The following STAU1 variants were observed in gnomAD, a reference collection of about 807,000 sequenced individuals.
STAU1 encodes the protein staufen double-stranded RNA binding protein 1.
In STAU1, 13 loss-of-function variants were observed where a neutral mutation model predicts 62.9. The ratio of observed to expected loss-of-function variants is 0.21; its 90% CI spans 0.13 to 0.33. The LOEUF (loss-of-function observed/expected upper bound fraction) is 0.33, where lower values mean the gene tolerates loss of function less well. STAU1 is among the 10% of genes least tolerant of loss of function. The pLI is 1.00. For synonymous variants in STAU1, 269 were observed against 265.1 expected, an observed-to-expected ratio of 1.01 and a Z score of -0.14; for missense variants, 571 against 712.1, an observed-to-expected ratio of 0.80 and a Z score of 2.25.
intron 3 of STAU1, among the ~76,000 whole-genome samples, chr20:49,157,235 C>T (rs1447654502): frequency 6.6e-6 from 1 of 152,178 alleles, no homozygotes; most frequent in Non-Finnish European, 1.5e-5. Flanking sequence ...GATTTAAACA[C>T]ACAGCAGTAC....
intron 5 of STAU1, among the ~76,000 whole-genome samples, chr20:49,142,944 A>G (rs1236033746): frequency 6.6e-6 from 1 of 152,058 alleles, no homozygotes; most frequent in South Asian, 2.1e-4. Flanking sequence ...CTGAGACTAC[A>G]GGTACATGCC....
chr20:49,170,359 AT>A (rs35442380), intron 2 of STAU1, among the ~76,000 whole-genome samples: 1 of 152,052 alleles, frequency 6.6e-6, no homozygotes, highest in Non-Finnish European at 1.5e-5. Flanking sequence ...ATGGAAAAAC[AT>A]TTTTTTTCTG....
intron 6 of STAU1, among the ~76,000 whole-genome samples, chr20:49,131,126 G>C (rs555951702): frequency 1.3e-5 from 2 of 152,084 alleles, no homozygotes; most frequent in African/African-American, 4.8e-5. Context: ...TAATCCATCA[G>C]AAATACCCAA....
chr20:49,178,909 T>TAA (rs11324304), intron 1 of STAU1, among the ~76,000 whole-genome samples: 38,046 of 116,066 alleles, frequency 0.33, 6,797 homozygotes, highest in Middle Eastern at 0.43. Flanking sequence ...CCGTCTCCAC[T>TAA]AAAAAAAAAA....
At position 49,175,266 on chromosome 20, in the gene STAU1, G is replaced by C. The variant is rs560910338; in HGVS notation, c.-159-997C>G. Among the ~76,000 whole-genome samples the C allele has an allele frequency of 2.5e-4, 38 of 152,128 alleles. No individual in the cohort carries two copies. The East Asian group carries it at 7.4e-3, about 30-fold the overall frequency. On this transcript the variant is annotated intron_variant, in intron 1 of 13. Coordinates refer to ENST00000371856, the MANE Select transcript of STAU1 (RefSeq NM_017453.4). ...AAATGGCTTGAATGCAGGAGGCAGAGGTTGCAGTGAGCCAAGATCGCACCA... is the reference window on the plus strand; with the variant it reads ...AAATGGCTTGAATGCAGGAGGCAGACGTTGCAGTGAGCCAAGATCGCACCA...
chr20:49,120,352 G>A (rs954348601), intron 8 of STAU1, among the ~76,000 whole-genome samples: 3 of 152,198 alleles, frequency 2.0e-5, no homozygotes, highest in Non-Finnish European at 2.9e-5. Flanking sequence ...TATATAAGCT[G>A]ATAATTATTT....
intron 5 of STAU1, among the ~76,000 whole-genome samples, chr20:49,138,760 A>G (rs1174808788): frequency 1.3e-5 from 2 of 151,946 alleles, no homozygotes; most frequent in Non-Finnish European, 2.9e-5. Context: ...CAACCTCCCA[A>G]AGTGTTGGGA....
At position 49,157,035 on chromosome 20, in the gene STAU1, C is replaced by G. The variant is rs566214362; in HGVS notation, c.206-2964G>C. On this transcript the variant is annotated intron_variant, in intron 3 of 13. Transcript: ENST00000371856. ...GGGATTACAGGCACCTGCCACCATGCCCGGCTAATTTCTGTACTTTTAGTA... is the reference window on the plus strand; with the variant it reads ...GGGATTACAGGCACCTGCCACCATGGCCGGCTAATTTCTGTACTTTTAGTA... Among the ~76,000 whole-genome samples the G allele has an allele frequency of 2.0e-4, 30 of 151,878 alleles. No homozygotes were observed. The East Asian group carries it at 5.6e-3, about 28-fold the overall frequency.
At chr20:49,132,131 T>A (rs778527197) in intron 6 of STAU1, among the ~76,000 whole-genome samples, 2 of 151,968 alleles carry the variant, frequency 1.3e-5, no homozygotes, top group Non-Finnish European at 2.9e-5. Context: ...CTGGCCTGCT[T>A]AGGCACCCGT....
chr20:49,214,639 G>A, the STAU1 span, among the ~76,000 whole-genome samples: 1 of 152,106 alleles, frequency 6.6e-6, no homozygotes, highest in African/African-American at 2.4e-5. Flanking sequence ...TAGAAGGTAA[G>A]CTACTCACTT....
chr20:49,203,046 A>G, the STAU1 span, among the ~76,000 whole-genome samples: 1 of 152,208 alleles, frequency 6.6e-6, no homozygotes, highest in Non-Finnish European at 1.5e-5. Flanking sequence ...TGTCTCAAAA[A>G]AAGAAAAAAG....
intron 5 of STAU1, among the ~76,000 whole-genome samples, chr20:49,143,673 T>C (rs1209014355): frequency 1.3e-5 from 2 of 152,220 alleles, no homozygotes; most frequent in East Asian, 1.9e-4. Context: ...AAATTAGCCA[T>C]CACCATTTAT....
At position 49,118,415 on chromosome 20, in the gene STAU1, A is replaced by AAAG. The variant is rs754447676; in HGVS notation, c.1114-10_1114-8dup. Reference sequence around the variant, plus strand: ...CTGGTTTCTTTATGGGTGTCTTAAAAAAGAAGAAGAAAAAAAAAAGGCCAT... The same window carrying AAAG: ...CTGGTTTCTTTATGGGTGTCTTAAAAAAGAAGAAGAAGAAAAAAAAAAGGCCAT... On this transcript the variant is annotated splice_region_variant and splice_polypyrimidine_tract_variant and intron_variant, in intron 9 of 13. Coordinates refer to ENST00000371856, the MANE Select transcript of STAU1 (RefSeq NM_017453.4). The AAAG allele has an allele frequency of 3.8e-6, 6 of 1,598,820 alleles. No individual in the cohort carries two copies. In the African/African-American group the frequency reaches 8.1e-5, roughly 22 times the overall value.
intron 6 of STAU1, among the ~76,000 whole-genome samples, chr20:49,127,532 C>G (rs1452258173): frequency 6.6e-6 from 1 of 151,374 alleles, no homozygotes; most frequent in African/African-American, 2.4e-5. Flanking sequence ...AGGGTGAAAC[C>G]CTGTCTCTAC....
At chr20:49,208,402 C>T in the STAU1 span, among the ~76,000 whole-genome samples, 1 of 151,766 alleles carries the variant, frequency 6.6e-6, no homozygotes, top group African/African-American at 2.4e-5. Context: ...GGGGTTTCAC[C>T]ATGTTGGCCA....
chr20:49,158,239 G>A (rs1381434069), intron 3 of STAU1, among the ~76,000 whole-genome samples: 2 of 151,764 alleles, frequency 1.3e-5, no homozygotes, highest in Non-Finnish European at 2.9e-5. Context: ...CCGAGAACAC[G>A]CTATGGCACT....
rs1236622819 is a variant in STAU1, at chr20:49,118,355, G to A, written c.1167C>T (p.Gly389=). The change falls in exon 10 of 14, where the codon GGC becomes GGT. Residue 389 remains glycine (G), a synonymous_variant. Transcript: ENST00000371856. The part of the protein sequence containing the change: ...DGRKVTFFEP[G]SGDENGTSNK... ...TACTAGTCCCATTTTCATCCCCAGA[G>A]CCAGGTTCAAAAAAGGTTACTTTTC... 19 of 1,613,246 alleles carry A rather than the reference G, an allele frequency of 1.2e-5. No individual in the cohort carries two copies. Among genetic ancestry groups the A allele is most frequent in the Non-Finnish European group, 1.4e-5 (17 of 1,179,758 alleles).
chr20:49,114,975 C>T, intron 13 of STAU1, 82 bp from the exon 14 acceptor site: 1 of 1,440,966 alleles, frequency 6.9e-7, no homozygotes, highest in South Asian at 1.2e-5. Context: ...AAGAAATTGG[C>T]AAACATCAGG....
chr20:49,152,389 G>A (rs1356559303), intron 4 of STAU1, among the ~76,000 whole-genome samples: 2 of 132,742 alleles, frequency 1.5e-5, no homozygotes, highest in Non-Finnish European at 3.1e-5. Context: ...TGTTGCCCAG[G>A]CTGGAGTGCA....
Sources: gnomAD v4.1 joint callset for allele counts (sites outside exome capture counted in the v4.1 genomes callset) on GRCh38, gnomAD v4.1.1 for gene constraint, MANE v1.5 for transcripts, NCBI Gene and HGNC (gene_info 2026-07-23, HGNC 2026-07-21) for gene names.